The following MBD5 variants were observed in gnomAD, a reference collection of about 807,000 sequenced individuals.
MBD5 encodes the protein methyl-CpG-binding domain protein 5.
MBD5 carries 13 observed loss-of-function variants against 117.3 expected under a neutral mutation model. The ratio of observed to expected loss-of-function variants is 0.11; its 90% confidence interval spans 0.07 to 0.18. The LOEUF (loss-of-function observed/expected upper bound fraction) is 0.18. MBD5 is among the 10% of genes least tolerant of loss of function. The pLI, the probability that MBD5 is intolerant of heterozygous loss-of-function variation, is 1.00. For missense variants in MBD5, 1,879 were observed against 2,093.8 expected (o/e 0.90, Z 2.00); for synonymous variants, 727 against 766.4 (o/e 0.95, Z 0.85).
chr2:148,469,561 G>C lies in MBD5; in HGVS notation c.1618G>C (p.Ala540Pro), dbSNP rs1169180874. 8 of 1,613,700 alleles carry C rather than the reference G, an allele frequency of 5.0e-6. No homozygotes were observed. Among genetic ancestry groups the C allele is most frequent in the Non-Finnish European group, 6.8e-6 (8 of 1,179,924 alleles). Residue 540 changes from alanine to proline, a missense_variant, in exon 8 of 14, where the codon GCT becomes CCT. Physicochemically the swap from Ala to Pro is conservative, Grantham distance 27. Around this residue, in one of 4 missense-constraint regions of MBD5, gnomAD observed 1,666 missense variants for 1,792.2 expected, o/e 0.93. Transcript: ENST00000642680. ...SNVLNTPSSA[A>P]FPTASAGSSS... is the part of the protein sequence containing the mutation. ...TGTACTAAATACCCCAAGCAGTGCA[G>C]CTTTTCCTACTGCATCTGCCGGAAG...
chr2:148,484,328 T>C (rs1457001206), intron 9 of MBD5, among the ~76,000 whole-genome samples, 193 bp downstream of exon 9: 3 of 152,204 alleles, frequency 2.0e-5, no homozygotes. Flanking sequence ...CTTTTTCCTC[T>C]TTCCCCTATT....
chr2:148,508,208 A>C lies in MBD5; in HGVS notation c.5037-1852A>C, dbSNP rs1682102419. ...AGACACCTCATTAGGAAAACAACTG[A>C]GACTGACTCCATGAGATGACCAGGG... On this transcript the variant is annotated intron_variant, in intron 12 of 13. Transcript: ENST00000642680. 2.6e-5 allele frequency among the ~76,000 whole-genome samples: 4 copies of C among 152,174 alleles called. 1 individual carries two copies. The highest frequency in any genetic ancestry group is 5.9e-5 in the Non-Finnish European group (4 of 68,026).
intron 3 of MBD5, among the ~76,000 whole-genome samples, chr2:148,338,336 C>T (rs891444521): frequency 1.3e-5 from 2 of 152,074 alleles, no homozygotes; most frequent in African/African-American, 4.8e-5. Context: ...TGCTTAATCT[C>T]CTTTAATCTA....
intron 2 of MBD5, among the ~76,000 whole-genome samples, chr2:148,201,559 T>G (rs1210893327): frequency 2.0e-5 from 3 of 152,222 alleles, no homozygotes; most frequent in African/African-American, 7.2e-5. Context: ...ATGGGATGGC[T>G]GCCCTCTGCT....
In MBD5 at chr2:148,515,187, GTA is replaced by G. The variant is rs1682320314; in HGVS notation, c.*2248_*2249del. The G allele has an allele frequency of 6.6e-6, 1 of 152,132 alleles. No homozygotes were observed. The highest frequency in any genetic ancestry group is 2.4e-5 in the African/African-American group (1 of 41,412). 9.4% of individuals were successfully genotyped at this position (152,132 alleles called of 1,614,324 possible). A position where few individuals can be genotyped will look rare whatever the true frequency, so the allele number is the denominator to read the frequency against. ...GTATGCTGGGTGTGTCTGTATGTGT[GTA>G]TGTGTTGATATGTAAATTTTTTAGC... On this transcript the variant is annotated 3_prime_UTR_variant, in exon 14 of 14. Coordinates refer to ENST00000642680, the MANE Select transcript of MBD5 (RefSeq NM_001378120.1).
At chr2:148,264,190 A>G (rs1700798188) in intron 3 of MBD5, 1 of 152,272 alleles carries the variant, frequency 6.6e-6, no homozygotes, top group African/African-American at 2.4e-5. Flanking sequence ...TTACAGGCTC[A>G]GTAGGATGGC....
intron 1 of MBD5, among the ~76,000 whole-genome samples, chr2:148,033,818 C>G (rs1041659881): frequency 1.3e-5 from 2 of 152,172 alleles, no homozygotes; most frequent in South Asian, 4.1e-4. Flanking sequence ...CATGCTTTTA[C>G]AGCAGATTGG....
intron 8 of MBD5, chr2:148,472,191 T>G (rs1010540862): frequency 5.3e-5 from 8 of 152,114 alleles, no homozygotes; most frequent in Non-Finnish European, 1.2e-4. Context: ...GTTTTGGTCA[T>G]TTATTTTTTT....
chr2:148,235,092 C>G (rs1047461433), intron 3 of MBD5, among the ~76,000 whole-genome samples: 2 of 152,058 alleles, frequency 1.3e-5, no homozygotes, highest in African/African-American at 2.4e-5. Context: ...CACCTATGCT[C>G]CTTATACTTT....
intron 1 of MBD5, among the ~76,000 whole-genome samples, chr2:148,152,615 G>C (rs533104299): frequency 6.6e-6 from 1 of 152,216 alleles, no homozygotes; most frequent in East Asian, 1.9e-4. Flanking sequence ...TTATGAATCT[G>C]GATGCTCCTG....
intron 1 of MBD5, among the ~76,000 whole-genome samples, chr2:148,162,749 T>G (rs1574083613): frequency 6.6e-6 from 1 of 152,076 alleles, no homozygotes; most frequent in Non-Finnish European, 1.5e-5. Flanking sequence ...AGAATATAAT[T>G]CTAACAAAAA....
intron 3 of MBD5, among the ~76,000 whole-genome samples, chr2:148,305,147 G>A (rs896122219): frequency 1.6e-4 from 25 of 152,112 alleles, no homozygotes; most frequent in African/African-American, 5.8e-4. Context: ...AACTGATCCA[G>A]CAGGATACTT....
At chr2:148,391,920 T>C (rs921107297) in intron 4 of MBD5, among the ~76,000 whole-genome samples, 2 of 152,206 alleles carry the variant, frequency 1.3e-5, no homozygotes, top group African/African-American at 4.8e-5. Flanking sequence ...CCCTTATATG[T>C]GTGCACAATT....
intron 1 of MBD5, among the ~76,000 whole-genome samples, chr2:148,082,890 T>C (rs557462247): frequency 3.9e-5 from 6 of 152,358 alleles, no homozygotes; most frequent in African/African-American, 1.4e-4. Flanking sequence ...TTATTAATAA[T>C]TATAAACAAC....
intron 1 of MBD5, among the ~76,000 whole-genome samples, chr2:148,040,675 A>C (rs775565159): frequency 2.0e-5 from 3 of 152,196 alleles, no homozygotes; most frequent in Non-Finnish European, 4.4e-5. Context: ...TCTTTATCAT[A>C]TATGTGTATC....
intron 8 of MBD5, among the ~76,000 whole-genome samples, chr2:148,473,159 T>A (rs1680849966): frequency 1.3e-5 from 2 of 152,188 alleles, no homozygotes; most frequent in South Asian, 4.1e-4. Context: ...ATACTTCAGA[T>A]GAAAGTCAGT....
At chr2:148,106,661 C>T (rs1027295556) in intron 1 of MBD5, among the ~76,000 whole-genome samples, 30 of 151,204 alleles carry the variant, frequency 2.0e-4, no homozygotes, top group African/African-American at 6.8e-4. Context: ...ACTCAGTATT[C>T]TTATTATCAT....
chr2:148,185,006 G>T (rs1336740633), intron 2 of MBD5, among the ~76,000 whole-genome samples: 1 of 152,154 alleles, frequency 6.6e-6, no homozygotes, highest in Non-Finnish European at 1.5e-5. Context: ...ACTACCTAAG[G>T]TTAGTTGGTC....
chr2:148,032,342 G>C (rs1694061945), intron 1 of MBD5, among the ~76,000 whole-genome samples: 1 of 152,162 alleles, frequency 6.6e-6, no homozygotes, highest in African/African-American at 2.4e-5. Flanking sequence ...TTGCTGTAGA[G>C]AGGTACGTAA....
Sources: gnomAD v4.1 joint callset for allele counts (sites outside exome capture counted in the v4.1 genomes callset) on GRCh38, gnomAD v4.1.1 for gene constraint, gnomAD v4.1.1 regional missense constraint, MANE v1.5 for transcripts, NCBI Gene and HGNC (gene_info 2026-07-23, HGNC 2026-07-21) for gene names.